Variants in NEGR1 observed in about 807,000 individuals in gnomAD.
The protein encoded by NEGR1 is IgLON family member 4.
Under a neutral mutation model 40.9 loss-of-function variants are expected in NEGR1, and 10 were observed. The ratio of observed to expected loss-of-function variants is 0.24; its 90% CI spans 0.15 to 0.42. The LOEUF (loss-of-function observed/expected upper bound fraction) is 0.42, where lower values mean the gene tolerates loss of function less well. NEGR1 is among the 10% of genes least tolerant of loss of function. The pLI, the probability that NEGR1 is intolerant of heterozygous loss-of-function variation, is 1.00. For missense variants in NEGR1, 352 were observed against 438.9 expected (o/e 0.80, Z 1.77); for synonymous variants, 185 against 166.8 (o/e 1.11, Z -0.84).
intron 6 of NEGR1, among the ~76,000 whole-genome samples, chr1:71,553,341 A>G (rs1648148167): frequency 6.6e-6 from 1 of 151,620 alleles, no homozygotes; most frequent in Admixed American, 6.6e-5. Context: ...CTCTGGTATC[A>G]AAGTATTAAT....
At chr1:72,086,991 A>T (rs1430638719) in intron 1 of NEGR1, among the ~76,000 whole-genome samples, 1 of 152,130 alleles carries the variant, frequency 6.6e-6, no homozygotes, top group Non-Finnish European at 1.5e-5. Flanking sequence ...AGAAAATTTG[A>T]GTTAGAGTTA....
chr1:72,078,700 C>T (rs1037794817), intron 1 of NEGR1, among the ~76,000 whole-genome samples: 3 of 148,940 alleles, frequency 2.0e-5, no homozygotes, highest in Non-Finnish European at 3.0e-5. Context: ...AGTGCAATGG[C>T]GTGATTTCGG....
chr1:72,212,978 G>A (rs560408494), intron 1 of NEGR1, among the ~76,000 whole-genome samples: 60 of 151,912 alleles, frequency 3.9e-4, no homozygotes, highest in East Asian at 1.5e-3. Flanking sequence ...AGCCATTTGC[G>A]GTAGGTACTC....
intron 6 of NEGR1, among the ~76,000 whole-genome samples, chr1:71,526,357 C>T (rs1414736865): frequency 6.6e-6 from 1 of 151,600 alleles, no homozygotes. Context: ...TCCTCACTCT[C>T]ATTCTTACCT....
At chr1:71,745,611 G>A (rs993705009) in intron 3 of NEGR1, among the ~76,000 whole-genome samples, 29 of 152,060 alleles carry the variant, frequency 1.9e-4, no homozygotes, top group Admixed American at 1.4e-3. Flanking sequence ...TTTCTGGACT[G>A]TAAAAATTTT....
At chr1:71,410,421 A>T (rs1190624096) in intron 6 of NEGR1, among the ~76,000 whole-genome samples, 1 of 152,114 alleles carries the variant, frequency 6.6e-6, no homozygotes, top group African/African-American at 2.4e-5. Flanking sequence ...ATAGGCAAAG[A>T]TGAATAAAAC....
intron 2 of NEGR1, among the ~76,000 whole-genome samples, chr1:71,823,482 T>C (rs1373056014): frequency 6.6e-6 from 1 of 152,000 alleles, no homozygotes; most frequent in African/African-American, 2.4e-5. Context: ...CTTTTCTGTG[T>C]AAAAAAGAAA....
chr1:71,700,993 C>G (rs1215364294), intron 3 of NEGR1, among the ~76,000 whole-genome samples: 1 of 151,956 alleles, frequency 6.6e-6, no homozygotes, highest in Non-Finnish European at 1.5e-5. Context: ...GCTGTGGCCT[C>G]TGGAAACTAA....
intron 5 of NEGR1, among the ~76,000 whole-genome samples, chr1:71,602,122 T>TCTA (rs936355358): frequency 6.6e-6 from 1 of 152,090 alleles, no homozygotes; most frequent in Non-Finnish European, 1.5e-5. Context: ...AAGGTGCCTT[T>TCTA]CTAGCCCTAA....
intron 1 of NEGR1, among the ~76,000 whole-genome samples, chr1:71,937,766 A>G (rs576694981): frequency 6.6e-6 from 1 of 152,280 alleles, no homozygotes; most frequent in East Asian, 1.9e-4. Context: ...CAACTGCTTA[A>G]CCTGTCCTAG....
intron 1 of NEGR1, among the ~76,000 whole-genome samples, chr1:71,967,120 T>G (rs1297119447): frequency 6.6e-6 from 1 of 152,148 alleles, no homozygotes; most frequent in Non-Finnish European, 1.5e-5. Flanking sequence ...CAAAGATTTC[T>G]TCACTGATGT....
At chr1:71,763,733 A>T (rs1232643197) in intron 3 of NEGR1, among the ~76,000 whole-genome samples, 2 of 133,008 alleles carry the variant, frequency 1.5e-5, no homozygotes, top group African/African-American at 5.3e-5. Context: ...TAAAGGGCTG[A>T]TGCATATTTA....
chr1:71,817,582 T>G lies in NEGR1; in HGVS notation c.410-41285A>C, dbSNP rs538710394. Among the ~76,000 whole-genome samples, 38 of 152,066 alleles carry G rather than the reference T, an allele frequency of 2.5e-4. 1 individual carries two copies. In the South Asian group the frequency reaches 7.9e-3, roughly 32 times the overall value. ...GAGGAAGCAGGCTGGAAGATGGCGT[T>G]TAGTTTTTGGAGCTAGATTATTTCC... On this transcript the variant is annotated intron_variant, in intron 2 of 6. Coordinates refer to ENST00000357731, the MANE Select transcript of NEGR1 (RefSeq NM_173808.3).
intron 1 of NEGR1, among the ~76,000 whole-genome samples, chr1:71,989,512 A>T (rs1464394080): frequency 6.6e-6 from 1 of 152,170 alleles, no homozygotes; most frequent in Non-Finnish European, 1.5e-5. Flanking sequence ...GAGTAATGGC[A>T]TTTTATGGCT....
At chr1:72,023,086 C>T (rs1646775263) in intron 1 of NEGR1, among the ~76,000 whole-genome samples, 1 of 152,048 alleles carries the variant, frequency 6.6e-6, no homozygotes, top group African/African-American at 2.4e-5. Context: ...ATGTATCCAA[C>T]TCATCTCATT....
intron 6 of NEGR1, among the ~76,000 whole-genome samples, chr1:71,508,099 A>T (rs1216034712): frequency 6.6e-6 from 1 of 152,062 alleles, no homozygotes; most frequent in Non-Finnish European, 1.5e-5. Flanking sequence ...CCACCCTGTC[A>T]CCCCTTAAGT....
chr1:71,592,305 T>A (rs1417119018), intron 6 of NEGR1, among the ~76,000 whole-genome samples: 1 of 152,128 alleles, frequency 6.6e-6, no homozygotes, highest in African/African-American at 2.4e-5. Context: ...TATTTTAAAA[T>A]ACAATTTTGA....
At chr1:71,857,961 G>T (rs1044056642) in intron 2 of NEGR1, among the ~76,000 whole-genome samples, 1 of 151,908 alleles carries the variant, frequency 6.6e-6, no homozygotes, top group South Asian at 2.1e-4. Context: ...TCCTTTCCCT[G>T]GGGATATTCT....
At chr1:71,657,888 C>T (rs1042983413) in intron 4 of NEGR1, among the ~76,000 whole-genome samples, 1 of 152,172 alleles carries the variant, frequency 6.6e-6, no homozygotes, top group African/African-American at 2.4e-5. Context: ...ACTATAGCAG[C>T]ACAGCAGCAA....
Sources: gnomAD v4.1 joint callset for allele counts (sites outside exome capture counted in the v4.1 genomes callset) on GRCh38, gnomAD v4.1.1 for gene constraint, MANE v1.5 for transcripts, NCBI Gene and HGNC (gene_info 2026-07-23, HGNC 2026-07-21) for gene names.